ZNF385D: variants seen among roughly 807,000 people sequenced by gnomAD.
ZNF385D encodes zinc finger protein 385D, also known as zinc finger protein 659.
In ZNF385D, 15 loss-of-function variants were observed where a neutral mutation model predicts 35.8. The observed-to-expected ratio is 0.42, with a 90% CI of 0.28 to 0.64. The LOEUF is 0.64. Ranked by LOEUF, ZNF385D falls within the 30% of genes least tolerant of loss-of-function variation. The pLI is 0.23. For missense variants in ZNF385D, 474 were observed against 494.6 expected, an observed-to-expected ratio of 0.96 and a Z score of 0.39; for synonymous variants, 212 against 186.8, an observed-to-expected ratio of 1.13 and a Z score of -1.10.
chr3:22,221,590 A>C (rs1698259791), intron 2 of ZNF385D, among the ~76,000 whole-genome samples: 1 of 152,124 alleles, frequency 6.6e-6, no homozygotes, highest in African/African-American at 2.4e-5. Flanking sequence ...GGGGTTTCTC[A>C]TCACTTCAGG....
At chr3:21,868,479 T>G (rs946313283) in intron 3 of ZNF385D, among the ~76,000 whole-genome samples, 1 of 152,172 alleles carries the variant, frequency 6.6e-6, no homozygotes, top group African/African-American at 2.4e-5. Context: ...TAACATTTTA[T>G]TTGAACCAAA....
At chr3:21,953,957 A>T (rs1357352345) in intron 3 of ZNF385D, among the ~76,000 whole-genome samples, 2 of 152,134 alleles carry the variant, frequency 1.3e-5, no homozygotes, top group East Asian at 3.8e-4. Flanking sequence ...TTGCTGAGCC[A>T]GATTTATAAA....
At chr3:22,325,385 A>C (rs1428923625) in intron 2 of ZNF385D, among the ~76,000 whole-genome samples, 1 of 152,218 alleles carries the variant, frequency 6.6e-6, no homozygotes, top group Non-Finnish European at 1.5e-5. Flanking sequence ...GTTGTACAGC[A>C]ATACAGTAAA....
At chr3:21,484,328 C>A (rs1007631989) in intron 4 of ZNF385D, among the ~76,000 whole-genome samples, 8 of 152,136 alleles carry the variant, frequency 5.3e-5, no homozygotes, top group Non-Finnish European at 4.4e-5. Context: ...CACAATGTTA[C>A]AAAACTGCTT....
At chr3:21,611,204 A>G (rs1485114571) in intron 2 of ZNF385D, among the ~76,000 whole-genome samples, 2 of 152,208 alleles carry the variant, frequency 1.3e-5, no homozygotes, top group Non-Finnish European at 2.9e-5. Context: ...TGAACAAGAA[A>G]GGCTACACAA....
At chr3:22,330,567 G>A (rs1190011355) in intron 2 of ZNF385D, among the ~76,000 whole-genome samples, 4 of 151,992 alleles carry the variant, frequency 2.6e-5, no homozygotes, top group South Asian at 2.1e-4. Context: ...CAGGGCCCCC[G>A]TCTGCTGTGA....
At chr3:21,535,715 G>T (rs1296046224) in intron 3 of ZNF385D, among the ~76,000 whole-genome samples, 1 of 151,940 alleles carries the variant, frequency 6.6e-6, no homozygotes, top group Non-Finnish European at 1.5e-5. Flanking sequence ...TTGAATATCA[G>T]TCTAGAAGCT....
chr3:21,632,012 T>C (rs1410203736), intron 2 of ZNF385D, among the ~76,000 whole-genome samples: 16 of 152,152 alleles, frequency 1.1e-4, no homozygotes, highest in Admixed American at 1.0e-3. Flanking sequence ...GTTATGAACA[T>C]CCAGTAAAGA....
chr3:21,949,579 T>TA (rs1701964987), intron 3 of ZNF385D, among the ~76,000 whole-genome samples: 1 of 141,954 alleles, frequency 7.0e-6, no homozygotes, highest in Admixed American at 7.4e-5. Context: ...TTAATACTTT[T>TA]AAGTTCTGGG....
At chr3:22,123,153 T>G (rs1256060980) in intron 3 of ZNF385D, among the ~76,000 whole-genome samples, 3 of 151,640 alleles carry the variant, frequency 2.0e-5, no homozygotes, top group African/African-American at 7.3e-5. Context: ...TAAGATGAGA[T>G]GCAATGGGAT....
chr3:22,227,186 C>CA (rs1698611558), intron 2 of ZNF385D, among the ~76,000 whole-genome samples: 1 of 150,390 alleles, frequency 6.6e-6, no homozygotes, highest in African/African-American at 2.5e-5. Flanking sequence ...GTATGTGGGG[C>CA]GGGGGGGGTG....
chr3:21,828,699 G>A (rs2630816), intron 3 of ZNF385D, among the ~76,000 whole-genome samples: 2 of 152,034 alleles, frequency 1.3e-5, no homozygotes, highest in African/African-American at 4.8e-5. Context: ...CAACCTTAGT[G>A]GCTTAAAACA....
At chr3:21,612,251 AT>A (rs1360368061) in intron 2 of ZNF385D, among the ~76,000 whole-genome samples, 1 of 151,730 alleles carries the variant, frequency 6.6e-6, no homozygotes, top group South Asian at 2.1e-4. Flanking sequence ...TGCCCCGCTA[AT>A]TTTTTTTATT....
At position 21,413,173 on chromosome 3, in the gene ZNF385D, C is replaced by T. The variant is rs1352560513; in HGVS notation, c.*8041G>A. On this transcript the variant is annotated 3_prime_UTR_variant, in exon 8 of 8. Transcript: ENST00000281523. ...TAAAACACAATAAAATCCTATCTCACGTTTCCAAGCCCACCTGGGGATATG... is the reference window on the plus strand; with the variant it reads ...TAAAACACAATAAAATCCTATCTCATGTTTCCAAGCCCACCTGGGGATATG... 2.0e-5 allele frequency: 3 copies of T among 151,934 alleles called. No individual in the cohort carries two copies. Among genetic ancestry groups the T allele is most frequent in the Non-Finnish European group, 4.4e-5 (3 of 67,958 alleles). 9.4% of individuals were successfully genotyped at this position (151,934 alleles called of 1,614,324 possible).
chr3:21,813,309 G>A (rs1428136824), intron 3 of ZNF385D, among the ~76,000 whole-genome samples: 1 of 152,188 alleles, frequency 6.6e-6, no homozygotes, highest in Non-Finnish European at 1.5e-5. Flanking sequence ...AAGGAACACA[G>A]CTCCTCGCCA....
chr3:21,988,654 C>T (rs1252480601), intron 3 of ZNF385D, among the ~76,000 whole-genome samples: 1 of 151,536 alleles, frequency 6.6e-6, no homozygotes, highest in African/African-American at 2.4e-5. Flanking sequence ...GAGGTGGAGC[C>T]TACAGAGGCA....
At chr3:22,159,263 C>G (rs769648607) in intron 3 of ZNF385D, among the ~76,000 whole-genome samples, 24 of 152,066 alleles carry the variant, frequency 1.6e-4, no homozygotes, top group Non-Finnish European at 3.4e-4. Flanking sequence ...AAATGAAAAT[C>G]TCCTCTATCT....
chr3:21,520,842 T>G (rs747746511), intron 3 of ZNF385D, among the ~76,000 whole-genome samples: 3 of 152,192 alleles, frequency 2.0e-5, no homozygotes, highest in Non-Finnish European at 2.9e-5. Context: ...GAAATGCTAG[T>G]CCTTTGTTAA....
At chr3:22,150,550 G>A (rs1705158467) in intron 3 of ZNF385D, among the ~76,000 whole-genome samples, 3 of 152,060 alleles carry the variant, frequency 2.0e-5, no homozygotes, top group Middle Eastern at 6.8e-3. Flanking sequence ...TTACATAGAA[G>A]GCATACCCAC....
Sources: allele counts gnomAD v4.1 joint callset (sites outside exome capture counted in the v4.1 genomes callset), GRCh38; gene constraint gnomAD v4.1.1; transcripts MANE v1.5; gene names NCBI Gene and HGNC (gene_info 2026-07-23, HGNC 2026-07-21).